The following KLRC3 variants were observed in gnomAD, a reference collection of about 807,000 sequenced individuals.
KLRC3 encodes killer cell lectin like receptor C3, also known as NKG2-E type II integral membrane protein.
In KLRC3, 16 loss-of-function variants were observed where a neutral mutation model predicts 23.6. The observed-to-expected ratio is 0.68, with a 90% CI of 0.46 to 1.03. KLRC3 has a LOEUF of 1.03. KLRC3 is among the 50% of genes least tolerant of loss of function. The pLI is 0.00. For missense variants in KLRC3, 209 were observed against 232.2 expected, an observed-to-expected ratio of 0.90 and a Z score of 0.65; for synonymous variants, 70 against 71.8, an observed-to-expected ratio of 0.98 and a Z score of 0.13.
intron 4 of KLRC3, among the ~76,000 whole-genome samples, chr12:10,417,284 C>T (rs2137858598): frequency 6.6e-6 from 1 of 150,844 alleles, no homozygotes. Flanking sequence ...TCTGCTACTC[C>T]CTACTAAAAA....
Position 10,415,724 on chromosome 12 carries a change from A to G in KLRC3, c.658T>C (p.Cys220Arg), listed in dbSNP as rs1863631533. Residue 220 changes from cysteine (C) to arginine (R), a missense_variant, in exon 6 of 7, where the codon TGT becomes CGT. Physicochemically the swap from Cys to Arg is radical, Grantham distance 180. This residue lies in a region of KLRC3 where 74 missense variants were observed against 51.0 expected (regional missense o/e 1.45). Coordinates refer to ENST00000396439, the MANE Select transcript of KLRC3 (RefSeq NM_002261.3). ...LHVRGLISDQCGSSRIIRRGF... is the reference protein window; with the variant it reads ...LHVRGLISDQRGSSRIIRRGF... ...CTCACAATGATTCTTGAAGATCCAC[A>G]CTGGTCTGATATAAGTCCACGTACA... The G allele has an allele frequency of 6.2e-7, 1 of 1,613,776 alleles. No individual in the cohort carries two copies. The highest frequency in any genetic ancestry group is 8.5e-7 in the Non-Finnish European group (1 of 1,179,776).
intron 6 of KLRC3, among the ~76,000 whole-genome samples, chr12:10,414,544 G>A (rs1863612915): frequency 7.4e-6 from 1 of 135,252 alleles, no homozygotes; most frequent in Admixed American, 8.8e-5. Context: ...CACATGGATA[G>A]AAAAAATAAA....
intron 6 of KLRC3, among the ~76,000 whole-genome samples, chr12:10,412,824 A>G (rs1456419857): frequency 2.0e-5 from 3 of 152,232 alleles, no homozygotes; most frequent in Non-Finnish European, 4.4e-5. Context: ...TTATCATTGC[A>G]TATACCTAAT....
rs1328566782 is a variant in KLRC3, at chr12:10,417,002, A to G, written c.487-235T>C. 4.0e-3 allele frequency among the ~76,000 whole-genome samples: 593 copies of G among 149,850 alleles called. 11 individuals carry two copies. The highest frequency in any genetic ancestry group is 0.014 in the African/African-American group (548 of 39,172). ...AGTTACTCCAATTAACAGAATAAAC[A>G]CAGGAAGGGTTTTAATAAGTTTCCT... On this transcript the variant is annotated intron_variant, in intron 4 of 6. Coordinates refer to ENST00000396439, the MANE Select transcript of KLRC3 (RefSeq NM_002261.3).
chr12:10,416,680 C>A lies in KLRC3; in HGVS notation c.574G>T (p.Ala192Ser). 6.2e-7 allele frequency: 1 copy of A among 1,610,278 alleles called. No individual in the cohort carries two copies. Among genetic ancestry groups the A allele is most frequent in the Admixed American group, 1.7e-5 (1 of 59,944 alleles). ...HHPWVTINGL[A>S]FKHEIKDSDH... ...AAAACAACTTACTCATGTTTGAAAGCCAAACCATTTATTGTCACCCATGGA... is the reference window on the plus strand; with the variant it reads ...AAAACAACTTACTCATGTTTGAAAGACAAACCATTTATTGTCACCCATGGA... Residue 192 changes from alanine to serine, a missense_variant, in exon 5 of 7, where the codon GCT (alanine) becomes TCT (serine). Ala to Ser is a moderately conservative substitution (Grantham distance 99, BLOSUM62 1). Coordinates refer to ENST00000396439, the MANE Select transcript of KLRC3 (RefSeq NM_002261.3).
In KLRC3 at chr12:10,415,652, TTA is replaced by T. The variant is rs749992751; in HGVS notation, c.678+50_678+51del. ...TTTCTGTTTGAACAAATATAAAATT[TTA>T]TCTGATGCACTGCAAGCTCAAGCGC... On this transcript the variant is annotated intron_variant, in intron 6 of 6. Coordinates refer to ENST00000396439, the MANE Select transcript of KLRC3 (RefSeq NM_002261.3). The T allele has an allele frequency of 2.5e-3, 4,074 of 1,608,872 alleles. 85 individuals carry two copies. The African/African-American group carries it at 0.049, about 19-fold the overall frequency.
chr12:10,415,891 A>G lies in KLRC3; in HGVS notation c.588-97T>C. 3.4e-6 allele frequency: 3 copies of G among 872,412 alleles called. No individual in the cohort carries two copies. In the East Asian group the frequency reaches 7.6e-5, roughly 22 times the overall value. The allele number at this position is 872,412 out of a possible 1,614,324, so 54.0% of individuals were successfully genotyped here. On this transcript the variant is annotated intron_variant, in intron 5 of 6. Transcript: ENST00000396439. ...TGTACTGTAAGAAAATAATTTTATGAAAAAGGGTAATTAAATTTTTCATAT... is the reference window on the plus strand; with the variant it reads ...TGTACTGTAAGAAAATAATTTTATGGAAAAGGGTAATTAAATTTTTCATAT...
intron 4 of KLRC3, among the ~76,000 whole-genome samples, chr12:10,417,753 G>C (rs969960234): frequency 1.3e-5 from 2 of 152,214 alleles, no homozygotes; most frequent in East Asian, 1.9e-4. Flanking sequence ...TGAATTCTTA[G>C]TGTTCTTTGT....
In KLRC3 at chr12:10,415,764, G is replaced by A; in HGVS notation, c.618C>T (p.Asn206=). The change falls in exon 6 of 7, where the codon AAC becomes AAT. Residue 206 remains asparagine, a synonymous_variant. Coordinates refer to ENST00000396439, the MANE Select transcript of KLRC3 (RefSeq NM_002261.3). ...GTCCACGTACATGTAGCATTGCACA[G>A]TTACGTTCAGCATGATCTGAGTCTT... ...EIKDSDHAER[N]CAMLHVRGLI... is the part of the protein sequence containing the mutation. 6.2e-7 allele frequency: 1 copy of A among 1,611,656 alleles called. No homozygotes were observed. Among genetic ancestry groups the A allele is most frequent in the Non-Finnish European group, 8.5e-7 (1 of 1,178,938 alleles).
chr12:10,419,881 T>C lies in KLRC3; in HGVS notation c.271A>G (p.Ile91Val), dbSNP rs1338834918. 1.7e-6 allele frequency: 1 copy of C among 598,730 alleles called. No homozygotes were observed. The highest frequency in any genetic ancestry group is 3.0e-5 in the East Asian group (1 of 33,390). The allele number at this position is 598,730 out of a possible 1,614,324, so 37.1% of individuals were successfully genotyped here. Residue 91 changes from isoleucine (I) to valine (V), a missense_variant, in exon 2 of 7, where the codon ATA becomes GTA. Ile to Val is a conservative substitution (Grantham distance 29). Transcript: ENST00000396439. ...ATATGCTTACAAGGAATAAGAACTA[T>C]TGTTTTTAACACAGTGGCCATCAGG... is the stretch of plus-strand genomic sequence containing the variant. ...IVLMATVLKT[I>V]VLIPFLEQNN...
rs762525989 is a variant in KLRC3 at position 10,415,794 on chromosome 12, C to G, written c.588G>C (p.Glu196Asp). The change falls in exon 6 of 7, where the codon GAG (glutamate) becomes GAC (aspartate). Residue 196 changes from glutamate to aspartate, a missense_variant and splice_region_variant. Physicochemically the swap from Glu to Asp is conservative, Grantham distance 45. Transcript: ENST00000396439. ...GTTCAGCATGATCTGAGTCTTTTAT[C>G]CTGTAATGGAGAAAAATCCATAATT... ...VTINGLAFKHEIKDSDHAERN... is the reference protein window; with the variant it reads ...VTINGLAFKHDIKDSDHAERN... The G allele has an allele frequency of 6.2e-7, 1 of 1,605,460 alleles. No individual in the cohort carries two copies. Among genetic ancestry groups the G allele is most frequent in the East Asian group, 2.2e-5 (1 of 44,736 alleles).
intron 3 of KLRC3, among the ~76,000 whole-genome samples, chr12:10,418,732 A>G (rs1158979486): frequency 6.6e-6 from 1 of 152,156 alleles, no homozygotes; most frequent in Non-Finnish European, 1.5e-5. Context: ...AAACAAAAAT[A>G]CACTCCACAC....
At chr12:10,419,652 G>C in intron 2 of KLRC3, 1 of 549,420 alleles carries the variant, frequency 1.8e-6, no homozygotes, top group Non-Finnish European at 3.0e-6. Context: ...AAACCATAAT[G>C]AGTTTAGTTT....
chr12:10,415,052 C>A (rs1041849235), intron 6 of KLRC3, among the ~76,000 whole-genome samples: 2 of 151,962 alleles, frequency 1.3e-5, no homozygotes, highest in Non-Finnish European at 2.9e-5. Context: ...TACATTGAAC[C>A]CAGTACATTG....
At chr12:10,413,701 G>A in intron 6 of KLRC3, among the ~76,000 whole-genome samples, 1 of 152,096 alleles carries the variant, frequency 6.6e-6, no homozygotes, top group East Asian at 1.9e-4. Context: ...CATAGGCATA[G>A]ATGTGCCATG....
In KLRC3 at chr12:10,412,353, C is replaced by T. The variant is rs1239556809; in HGVS notation, c.*219G>A. 2 of 567,914 alleles carry T rather than the reference C, an allele frequency of 3.5e-6. No homozygotes were observed. The highest frequency in any genetic ancestry group is 3.1e-5 in the East Asian group (1 of 32,254). The allele number at this position is 567,914 out of a possible 1,614,324, so 35.2% of individuals were successfully genotyped here. ...TTTATTTTCCAATCATAACGGTCTGCATTTTAATATTAATATTTGTTGTAA... is the reference window on the plus strand; with the variant it reads ...TTTATTTTCCAATCATAACGGTCTGTATTTTAATATTAATATTTGTTGTAA... On this transcript the variant is annotated 3_prime_UTR_variant, in exon 7 of 7. Coordinates refer to ENST00000396439, the MANE Select transcript of KLRC3 (RefSeq NM_002261.3).
In KLRC3 at chr12:10,415,795, C is replaced by T. The variant is rs1411371097; in HGVS notation, c.588-1G>A. ...TTCAGCATGATCTGAGTCTTTTATC[C>T]TGTAATGGAGAAAAATCCATAATTC... On this transcript the variant is annotated splice_acceptor_variant, in intron 5 of 6. Transcript: ENST00000396439. LOFTEE classifies it high-confidence loss of function. The T allele has an allele frequency of 2.5e-6, 4 of 1,605,670 alleles. No homozygotes were observed. The highest frequency in any genetic ancestry group is 3.4e-6 in the Non-Finnish European group (4 of 1,174,424).
intron 6 of KLRC3, 196 bp downstream of exon 6, chr12:10,415,508 G>T: frequency 1.1e-6 from 1 of 886,060 alleles, no homozygotes; most frequent in Non-Finnish European, 1.6e-6. Flanking sequence ...TGACTTAAAT[G>T]CGAGGGTATC....
chr12:10,416,649 C>T lies in KLRC3; in HGVS notation c.587+18G>A, dbSNP rs1367569405. The T allele has an allele frequency of 1.1e-5, 17 of 1,602,248 alleles. No individual in the cohort carries two copies. Among genetic ancestry groups the T allele is most frequent in the Non-Finnish European group, 1.4e-5 (17 of 1,174,270 alleles). On this transcript the variant is annotated intron_variant, in intron 5 of 6. Coordinates refer to ENST00000396439, the MANE Select transcript of KLRC3 (RefSeq NM_002261.3). ...ATCCTTTATATTTTTTTATATAGCA[C>T]CCTATAAAACAACTTACTCATGTTT...
Sources: allele counts gnomAD v4.1 joint callset (sites outside exome capture counted in the v4.1 genomes callset), GRCh38; gene constraint gnomAD v4.1.1; regional missense constraint gnomAD v4.1.1; transcripts MANE v1.5; gene names NCBI Gene and HGNC (gene_info 2026-07-23, HGNC 2026-07-21).